Variants in SLC9A1 observed in about 807,000 individuals in gnomAD.
The protein encoded by SLC9A1 is sodium/hydrogen exchanger 1.
SLC9A1 carries 22 observed loss-of-function variants against 67.9 expected under a neutral mutation model. That is an observed-to-expected ratio of 0.32 (90% CI 0.23 to 0.46). The LOEUF (loss-of-function observed/expected upper bound fraction) is 0.46. SLC9A1 is among the 20% of genes least tolerant of loss of function. The probability of loss-of-function intolerance (pLI) is 1.00; values close to 1 mark genes in which losing one functional copy is unlikely to be tolerated. For missense variants in SLC9A1, 686 were observed against 1,094.8 expected (o/e 0.63, Z 5.27); for synonymous variants, 421 against 471.8 (o/e 0.89, Z 1.40).
intron 5 of SLC9A1, among the ~76,000 whole-genome samples, chr1:27,105,087 G>A (rs2083174700): frequency 1.3e-5 from 2 of 152,192 alleles, no homozygotes; most frequent in Admixed American, 6.5e-5. Context: ...GTCTTTCTTA[G>A]GGTCAGAGGG....
At chr1:27,128,218 C>A (rs987380949) in intron 1 of SLC9A1, among the ~76,000 whole-genome samples, 1 of 152,124 alleles carries the variant, frequency 6.6e-6, no homozygotes, top group Non-Finnish European at 1.5e-5. Flanking sequence ...CTTAACTTCT[C>A]TGTGACCTAA....
chr1:27,107,953 C>A lies in SLC9A1; in HGVS notation c.1065-88G>T, dbSNP rs2083201304. 1.6e-5 allele frequency: 15 copies of A among 942,562 alleles called. No individual in the cohort carries two copies. In the Admixed American group the frequency reaches 1.6e-4, roughly 10 times the overall value. The allele number at this position is 942,562 out of a possible 1,614,324, so 58.4% of individuals were successfully genotyped here. ...CTGCCAGGGGCAATGGGGCCACGAC[C>A]AAGGTGCCCATGTCCCAAGCTCCTC... On this transcript the variant is annotated intron_variant, in intron 3 of 11. Coordinates refer to ENST00000263980, the MANE Select transcript of SLC9A1 (RefSeq NM_003047.5).
chr1:27,114,117 G>A lies in SLC9A1; in HGVS notation c.522C>T (p.Gly174=). 7.4e-6 allele frequency: 12 copies of A among 1,614,204 alleles called. No homozygotes were observed. Among genetic ancestry groups the A allele is most frequent in the Non-Finnish European group, 9.3e-6 (11 of 1,180,042 alleles). ...FLLPPIILDA[G]YFLPLRQFTE... is the part of the protein sequence containing the mutation. Reference sequence around the variant, plus strand: ...TGAACTGCCGCAGTGGCAGGAAGTAGCCCGCATCCAGGATGATGGGCGGCA... The same window carrying A: ...TGAACTGCCGCAGTGGCAGGAAGTAACCCGCATCCAGGATGATGGGCGGCA... The change falls in exon 2 of 12, where the codon GGC becomes GGT. Residue 174 remains glycine (G), a synonymous_variant. Coordinates refer to ENST00000263980, the MANE Select transcript of SLC9A1 (RefSeq NM_003047.5). This position sits in a 1 kb window ranked among gnomAD's most constrained non-coding sequence, Gnocchi z 5.4.
rs528825356 is a variant in SLC9A1, at chr1:27,139,572, C to G, written c.352+14411G>C. On this transcript the variant is annotated intron_variant, in intron 1 of 11. Transcript: ENST00000263980. ...TCTGTCCTCACTGCCTATACCAGGG[C>G]GACAGCCATCACAGGTGCTCAGTGC... Among the ~76,000 whole-genome samples, 165 of 151,362 alleles carry G rather than the reference C, an allele frequency of 1.1e-3. 2 individuals are homozygous for G. The highest frequency in any genetic ancestry group is 3.9e-3 in the African/African-American group (158 of 40,630).
intron 1 of SLC9A1, among the ~76,000 whole-genome samples, chr1:27,150,117 C>G (rs2083516687): frequency 6.6e-6 from 1 of 152,174 alleles, no homozygotes; most frequent in African/African-American, 2.4e-5. Flanking sequence ...TTGTTCTTCT[C>G]TTCTTTTGAG....
intron 5 of SLC9A1, among the ~76,000 whole-genome samples, chr1:27,105,226 C>T (rs949155023): frequency 9.2e-5 from 14 of 152,206 alleles, no homozygotes; most frequent in Non-Finnish European, 1.8e-4. Flanking sequence ...GATATGAAAT[C>T]TCTTGCCTAA....
chr1:27,135,123 C>T (rs1395487875), intron 1 of SLC9A1, among the ~76,000 whole-genome samples: 2 of 151,626 alleles, frequency 1.3e-5, no homozygotes, highest in Non-Finnish European at 2.9e-5. Flanking sequence ...AATCATGGCT[C>T]ACTGCAGCCT....
At chr1:27,139,800 T>G (rs1421136511) in intron 1 of SLC9A1, among the ~76,000 whole-genome samples, 1 of 149,414 alleles carries the variant, frequency 6.7e-6, no homozygotes, top group Admixed American at 6.6e-5. Context: ...ACTCATTGTT[T>G]TTTTTTTTTT....
At chr1:27,127,213 G>C (rs917608262) in intron 1 of SLC9A1, among the ~76,000 whole-genome samples, 14 of 152,142 alleles carry the variant, frequency 9.2e-5, no homozygotes, top group African/African-American at 3.4e-4. Context: ...TGTTGCCCAG[G>C]CTGGTCTCAA....
chr1:27,111,878 C>T (rs2083230698), intron 2 of SLC9A1, among the ~76,000 whole-genome samples: 1 of 152,162 alleles, frequency 6.6e-6, no homozygotes, highest in South Asian at 2.1e-4. Context: ...CACCAGCAAT[C>T]ACTACCACCG....
rs893649517 is a variant in SLC9A1 at position 27,106,433 on chromosome 1, TTCTC to T, written c.1283-350_1283-347del. Among the ~76,000 whole-genome samples, 2 of 152,166 alleles carry T rather than the reference TTCTC, an allele frequency of 1.3e-5. No individual in the cohort carries two copies. Among genetic ancestry groups the T allele is most frequent in the Middle Eastern group, 3.4e-3 (1 of 292 alleles). ...GGGTGTGTGGGGGGTCATGATCCTATTCTCTCTACTTTTCTAAGTACTTGAAATT... is the reference window on the plus strand; with the variant it reads ...GGGTGTGTGGGGGGTCATGATCCTATTCTACTTTTCTAAGTACTTGAAATT... On this transcript the variant is annotated intron_variant, in intron 4 of 11. Coordinates refer to ENST00000263980, the MANE Select transcript of SLC9A1 (RefSeq NM_003047.5). The surrounding 1 kb of genome is among the most constrained non-coding windows in gnomAD (Gnocchi z 4.3).
At chr1:27,119,497 C>T (rs1312653720) in intron 1 of SLC9A1, among the ~76,000 whole-genome samples, 1 of 152,228 alleles carries the variant, frequency 6.6e-6, no homozygotes, top group Non-Finnish European at 1.5e-5. Context: ...ACTCCCTCTT[C>T]AACTGCCCCA....
rs1347439081 is a variant in SLC9A1 at position 27,102,743 on chromosome 1, A to C, written c.1576T>G (p.Phe526Val). The C allele has an allele frequency of 6.2e-6, 10 of 1,613,298 alleles. No individual in the cohort carries two copies. Among genetic ancestry groups the C allele is most frequent in the Non-Finnish European group, 8.5e-6 (10 of 1,179,840 alleles). Reference sequence around the variant, plus strand: ...ATGCCTGTCAGAAGGTGGTCCAGGAACTGAAAGGGGCCCAGGGCCAAGTCA... The same window carrying C: ...ATGCCTGTCAGAAGGTGGTCCAGGACCTGAAAGGGGCCCAGGGCCAAGTCA... ...RSINEEIHTQ[F>V]LDHLLTGIED... The change falls in exon 7 of 12, where the codon TTC becomes GTC. Residue 526 changes from phenylalanine to valine, a missense_variant and splice_region_variant. By Grantham distance (50) the Phe-to-Val change is conservative. Coordinates refer to ENST00000263980, the MANE Select transcript of SLC9A1 (RefSeq NM_003047.5).
intron 1 of SLC9A1, among the ~76,000 whole-genome samples, chr1:27,133,476 T>C (rs1232015955): frequency 6.6e-6 from 1 of 152,082 alleles, no homozygotes; most frequent in Non-Finnish European, 1.5e-5. Context: ...CTAGAAGAAG[T>C]GTAAGAGACT....
intron 1 of SLC9A1, among the ~76,000 whole-genome samples, chr1:27,119,042 AACAC>A (rs35231148): frequency 0.36 from 50,059 of 139,178 alleles, 9,312 homozygotes; most frequent in Non-Finnish European, 0.45. Context: ...AGCTGGAACG[AACAC>A]ACACACACAC....
Position 27,138,822 on chromosome 1 carries a change from A to G in SLC9A1, c.352+15161T>C, listed in dbSNP as rs192480848. ...TTTCCTTGCATTTTCTCCCAAGTTC[A>G]TCAGGAAGCATTTGAAAGGTTTTCA... On this transcript the variant is annotated intron_variant, in intron 1 of 11. Coordinates refer to ENST00000263980, the MANE Select transcript of SLC9A1 (RefSeq NM_003047.5). Among the ~76,000 whole-genome samples, 166 of 152,264 alleles carry G rather than the reference A, an allele frequency of 1.1e-3. 2 individuals carry two copies. The highest frequency in any genetic ancestry group is 3.8e-3 in the African/African-American group (159 of 41,516).
At chr1:27,103,363 A>T in intron 5 of SLC9A1, 51 bp from the exon 6 acceptor site, 1 of 1,317,230 alleles carries the variant, frequency 7.6e-7, no homozygotes, top group African/African-American at 1.4e-5. Context: ...CCAGGCAGGG[A>T]GGCCACAGAG....
intron 6 of SLC9A1, 66 bp from the exon 7 acceptor site, chr1:27,102,809 T>A: frequency 2.9e-6 from 4 of 1,375,100 alleles, no homozygotes; most frequent in Non-Finnish European, 4.1e-6. Flanking sequence ...GACCTCTGAC[T>A]AGCCCCACTC....
intron 1 of SLC9A1, among the ~76,000 whole-genome samples, chr1:27,151,125 A>T (rs1402239200): frequency 6.6e-6 from 1 of 152,126 alleles, no homozygotes; most frequent in Non-Finnish European, 1.5e-5. Context: ...CTGATACCCT[A>T]AGGAAGGACA....
Sources: gnomAD v4.1 joint callset for allele counts (sites outside exome capture counted in the v4.1 genomes callset) on GRCh38, gnomAD v4.1.1 for gene constraint, Gnocchi (gnomAD v3.1) non-coding constraint, MANE v1.5 for transcripts, NCBI Gene and HGNC (gene_info 2026-07-23, HGNC 2026-07-21) for gene names.